Variants in ACCSL observed in about 807,000 individuals in gnomAD.
ACCSL encodes probable inactive 1-aminocyclopropane-1-carboxylate synthase-like protein 2.
Under a neutral mutation model 61.7 loss-of-function variants are expected in ACCSL, and 55 were observed. That is an observed-to-expected ratio of 0.89 (90% CI 0.72 to 1.12). The LOEUF is 1.12. Among genes scored for constraint, ACCSL ranks in the 50% most tolerant of loss-of-function variants. The probability of loss-of-function intolerance (pLI) is 0.00; values close to 1 mark genes in which losing one functional copy is unlikely to be tolerated. For synonymous variants in ACCSL, 258 were observed against 264.3 expected, an observed-to-expected ratio of 0.98 and a Z score of 0.23; for missense variants, 632 against 698.0, an observed-to-expected ratio of 0.91 and a Z score of 1.07.
intron 4 of ACCSL, 78 bp downstream of exon 4, chr11:44,051,482 G>A: frequency 7.6e-6 from 12 of 1,580,072 alleles, no homozygotes; most frequent in Non-Finnish European, 1.0e-5. Context: ...TTTCTAGGGG[G>A]TACAAGGAGA....
In ACCSL at chr11:44,048,093, C is replaced by A. The variant is rs752150289; in HGVS notation, c.57C>A (p.Val19=). 4 of 1,614,130 alleles carry A rather than the reference C, an allele frequency of 2.5e-6. No homozygotes were observed. Among genetic ancestry groups the A allele is most frequent in the Non-Finnish European group, 3.4e-6 (4 of 1,179,996 alleles). ...CCTCTGGTCAGAGGAGAGGCCGGGT[C>A]CCCAGAGACCACAGCATCTATACCC... ...PVPSGQRRGR[V]PRDHSIYTQL... The change falls in exon 1 of 14, where the codon GTC becomes GTA. Residue 19 remains valine, a synonymous_variant. Coordinates refer to ENST00000378832, the MANE Select transcript of ACCSL (RefSeq NM_001031854.2).
chr11:44,026,765 T>C, the ACCSL span, among the ~76,000 whole-genome samples: 1 of 152,164 alleles, frequency 6.6e-6, no homozygotes, highest in Non-Finnish European at 1.5e-5. Context: ...GTTTCACTCT[T>C]GTTGCCCAAG....
chr11:44,007,933 G>T, the ACCSL span, among the ~76,000 whole-genome samples: 1 of 152,234 alleles, frequency 6.6e-6, no homozygotes, highest in Non-Finnish European at 1.5e-5. Context: ...CAGCACACAG[G>T]GTGCAGCTCT....
chr11:44,001,775 C>CTGTGTGTGTGTGTG, the ACCSL span, among the ~76,000 whole-genome samples: 57 of 96,834 alleles, frequency 5.9e-4, no homozygotes, highest in Admixed American at 1.1e-3. Flanking sequence ...GGTAAAGGGG[C>CTGTGTGTGTGTGTG]TGTGTGTGTG....
chr11:43,941,056 G>A, the ACCSL span, among the ~76,000 whole-genome samples: 20 of 152,246 alleles, frequency 1.3e-4, no homozygotes, highest in African/African-American at 4.8e-4. Flanking sequence ...AGGGTGGTTG[G>A]GAGGATTAAA....
chr11:44,051,797 A>G, intron 5 of ACCSL, 78 bp downstream of exon 5: 3 of 1,550,236 alleles, frequency 1.9e-6, no homozygotes, highest in Non-Finnish European at 2.7e-6. Context: ...CTGGACTTTG[A>G]GGAAGAAGAG....
chr11:43,943,847 A>G, the ACCSL span: 9 of 1,285,346 alleles, frequency 7.0e-6, 1 homozygote, highest in South Asian at 1.2e-4. The surrounding 1 kb of genome is among the most constrained non-coding windows in gnomAD (Gnocchi z 4.8). Context: ...AGGCTCCTGA[A>G]AGGAGACAAA....
chr11:44,045,732 C>T (rs1420965658), upstream of ACCSL, among the ~76,000 whole-genome samples: 2 of 152,102 alleles, frequency 1.3e-5, no homozygotes, highest in Non-Finnish European at 2.9e-5. Context: ...ACTTCCATGG[C>T]AAGAAGTCTA....
chr11:43,951,029 T>C, the ACCSL span, among the ~76,000 whole-genome samples: 1 of 152,234 alleles, frequency 6.6e-6, no homozygotes, highest in Non-Finnish European at 1.5e-5. Context: ...TTGTTATCCC[T>C]GGGAAAAGCA....
chr11:44,045,164 A>G (rs778943757), upstream of ACCSL, among the ~76,000 whole-genome samples: 9 of 152,160 alleles, frequency 5.9e-5, no homozygotes, highest in Non-Finnish European at 1.2e-4. Flanking sequence ...GGGACCATGC[A>G]TGGTGGCTCC....
chr11:43,957,693 T>C, the ACCSL span, among the ~76,000 whole-genome samples: 1 of 152,214 alleles, frequency 6.6e-6, no homozygotes, highest in Non-Finnish European at 1.5e-5. Context: ...CTCTGTCATG[T>C]GATTCTATAC....
At chr11:43,955,507 G>A in the ACCSL span, among the ~76,000 whole-genome samples, 4 of 152,246 alleles carry the variant, frequency 2.6e-5, no homozygotes, top group Non-Finnish European at 4.4e-5. Flanking sequence ...GGAAGATGGA[G>A]TTATTACTCA....
intron 9 of ACCSL, 49 bp from the exon 10 acceptor site, chr11:44,055,991 A>G (rs983144363): frequency 1.2e-6 from 2 of 1,609,566 alleles, no homozygotes; most frequent in African/African-American, 2.7e-5. Context: ...CCAAATCTTC[A>G]TCAACTATTT....
chr11:44,045,642 C>T (rs906138914), upstream of ACCSL, among the ~76,000 whole-genome samples: 4 of 152,162 alleles, frequency 2.6e-5, no homozygotes, highest in Non-Finnish European at 4.4e-5. Context: ...CATCCTGGTC[C>T]CTATTTCCTA....
the ACCSL span, among the ~76,000 whole-genome samples, chr11:44,017,680 T>C: frequency 6.6e-6 from 1 of 152,200 alleles, no homozygotes; most frequent in South Asian, 2.1e-4. Context: ...ATAACCTCTC[T>C]ATGCCTCGGT....
At chr11:44,029,454 C>CTATGCACCTG in the ACCSL span, among the ~76,000 whole-genome samples, 1 of 152,220 alleles carries the variant, frequency 6.6e-6, no homozygotes. Flanking sequence ...CGTTGGATAC[C>CTATGCACCTG]TATGCACCTG....
chr11:43,928,727 A>T, the ACCSL span, among the ~76,000 whole-genome samples: 3 of 152,208 alleles, frequency 2.0e-5, no homozygotes, highest in African/African-American at 7.2e-5. Context: ...AAAGGGCCAG[A>T]TTCCCTATGC....
the ACCSL span, among the ~76,000 whole-genome samples, chr11:43,975,169 A>T: frequency 6.6e-6 from 1 of 152,114 alleles, no homozygotes; most frequent in Admixed American, 6.6e-5. Context: ...CCTTTTGTGG[A>T]GGCTGCCAGT....
the ACCSL span, among the ~76,000 whole-genome samples, chr11:43,971,190 G>A: frequency 1.3e-5 from 2 of 151,528 alleles, no homozygotes; most frequent in Non-Finnish European, 2.9e-5. Context: ...AAAATTAGCC[G>A]GGCATGGTGG....
Sources: allele counts gnomAD v4.1 joint callset (sites outside exome capture counted in the v4.1 genomes callset), GRCh38; gene constraint gnomAD v4.1.1; non-coding constraint Gnocchi (gnomAD v3.1); transcripts MANE v1.5; gene names NCBI Gene and HGNC (gene_info 2026-07-23, HGNC 2026-07-21).